DLGAP1: variants seen among roughly 807,000 people sequenced by gnomAD.
The protein encoded by DLGAP1 is disks large-associated protein 1.
Under a neutral mutation model 90.8 loss-of-function variants are expected in DLGAP1, and 11 were observed. That is an observed-to-expected ratio of 0.12 (90% confidence interval 0.08 to 0.20). DLGAP1 has a LOEUF of 0.20. Among genes scored for constraint, DLGAP1 ranks in the 10% least tolerant of loss-of-function variants. The probability of loss-of-function intolerance (pLI) is 1.00; values close to 1 mark genes in which losing one functional copy is unlikely to be tolerated. For missense variants in DLGAP1, 1,050 were observed against 1,333.8 expected, an observed-to-expected ratio of 0.79 and a Z score of 3.31; for synonymous variants, 558 against 540.7, an observed-to-expected ratio of 1.03 and a Z score of -0.44.
intron 9 of DLGAP1, among the ~76,000 whole-genome samples, chr18:3,559,745 C>A (rs909924693): frequency 6.6e-6 from 1 of 151,640 alleles, no homozygotes; most frequent in Non-Finnish European, 1.5e-5. Context: ...CCCTCAGCCT[C>A]CCGAGTAGCT....
intron 1 of DLGAP1, among the ~76,000 whole-genome samples, chr18:4,421,201 C>G (rs1164535711): frequency 1.3e-4 from 20 of 152,124 alleles, no homozygotes; most frequent in Non-Finnish European, 1.2e-4. Flanking sequence ...GAATCCTTTC[C>G]TTGCCTTTTC....
intron 8 of DLGAP1, among the ~76,000 whole-genome samples, chr18:3,574,883 T>C (rs11873506): frequency 0.39 from 57,668 of 148,168 alleles, 12,104 homozygotes; most frequent in East Asian, 0.82. Flanking sequence ...GGCACAATCT[T>C]GGCTCACTGC....
intron 5 of DLGAP1, among the ~76,000 whole-genome samples, chr18:3,763,695 C>G (rs905350892): frequency 1.3e-5 from 2 of 150,948 alleles, no homozygotes; most frequent in African/African-American, 4.9e-5. Context: ...CGGAGTTTCA[C>G]TCTTGTTGCC....
intron 2 of DLGAP1, among the ~76,000 whole-genome samples, chr18:4,034,334 G>T (rs566719727): frequency 6.6e-6 from 1 of 152,036 alleles, no homozygotes; most frequent in Non-Finnish European, 1.5e-5. Flanking sequence ...AAGCCACTGC[G>T]CCCGGCTGCA....
At chr18:4,344,496 A>C (rs1038203202) in intron 1 of DLGAP1, among the ~76,000 whole-genome samples, 1 of 152,230 alleles carries the variant, frequency 6.6e-6, no homozygotes, top group African/African-American at 2.4e-5. Context: ...AAAATTCAAC[A>C]TAGTAGAAGA....
At chr18:4,007,642 C>G (rs1015875184) in intron 2 of DLGAP1, among the ~76,000 whole-genome samples, 2 of 151,160 alleles carry the variant, frequency 1.3e-5, no homozygotes, top group African/African-American at 2.5e-5. Context: ...GGTGACAGAA[C>G]AAGGCTCCAT....
chr18:4,322,038 A>G (rs1300316401), intron 1 of DLGAP1, among the ~76,000 whole-genome samples: 3 of 151,996 alleles, frequency 2.0e-5, no homozygotes, highest in Admixed American at 6.6e-5. Context: ...TGTCTCTACT[A>G]AAAATACAAA....
Position 3,874,523 on chromosome 18 carries a change from T to C in DLGAP1, c.957+4589A>G. On this transcript the variant is annotated intron_variant, in intron 4 of 12. Coordinates refer to ENST00000315677, the MANE Select transcript of DLGAP1 (RefSeq NM_004746.4). ...AAACAGAACCAAGAATTCTGCTTTT[T>C]AAAAGCAAAAACAAAACAACAACAA... 1.0e-5 allele frequency: 15 copies of C among 1,452,586 alleles called. No homozygotes were observed. The South Asian group carries it at 2.2e-4, about 22-fold the overall frequency. The allele number at this position is 1,452,586 out of a possible 1,614,324, so 90.0% of individuals were successfully genotyped here. A position where few individuals can be genotyped will look rare whatever the true frequency, so the allele number is the denominator to read the frequency against.
chr18:4,283,866 T>A (rs1266633583), intron 1 of DLGAP1, among the ~76,000 whole-genome samples: 1 of 152,272 alleles, frequency 6.6e-6, no homozygotes, highest in South Asian at 2.1e-4. Flanking sequence ...ATATCCAAAC[T>A]GGCGAATGAA....
intron 2 of DLGAP1, among the ~76,000 whole-genome samples, chr18:4,024,550 T>C (rs886592112): frequency 6.6e-6 from 1 of 152,198 alleles, no homozygotes; most frequent in Non-Finnish European, 1.5e-5. Context: ...GTGACATGTC[T>C]GTTCGTGCTC....
intron 7 of DLGAP1, among the ~76,000 whole-genome samples, chr18:3,630,186 TG>T (rs1289402940): frequency 6.6e-6 from 1 of 152,148 alleles, no homozygotes; most frequent in Non-Finnish European, 1.5e-5. Context: ...CCAGTGTGGT[TG>T]GGCCTCATTC....
At chr18:4,434,500 T>C (rs534508445) in intron 1 of DLGAP1, among the ~76,000 whole-genome samples, 51 of 152,336 alleles carry the variant, frequency 3.3e-4, no homozygotes, top group African/African-American at 1.2e-3. Flanking sequence ...TCTTCCCCTG[T>C]GCTGCAAGGC....
At chr18:4,246,851 T>C (rs1051581858) in intron 1 of DLGAP1, among the ~76,000 whole-genome samples, 9 of 141,896 alleles carry the variant, frequency 6.3e-5, no homozygotes, top group African/African-American at 2.3e-4. Flanking sequence ...TCATTTTACC[T>C]TTATTTCTTC....
chr18:3,978,055 TG>T, intron 3 of DLGAP1: 1 of 376,976 alleles, frequency 2.7e-6, no homozygotes, highest in South Asian at 2.1e-5. Flanking sequence ...GCCAGTTTCT[TG>T]GAGGGGCCAT....
chr18:3,608,720 C>T lies in DLGAP1; in HGVS notation c.1592-26472G>A, dbSNP rs180949308. Among the ~76,000 whole-genome samples the T allele has an allele frequency of 2.0e-3, 309 of 152,316 alleles. 1 individual carries two copies. Among genetic ancestry groups the T allele is most frequent in the Non-Finnish European group, 3.8e-3 (259 of 68,032 alleles). ...TAAGATGCTCATTCCAGAGAGGTCTCGCTCTATACCCAGAGGCGAAGAAGG... is the reference window on the plus strand; with the variant it reads ...TAAGATGCTCATTCCAGAGAGGTCTTGCTCTATACCCAGAGGCGAAGAAGG... On this transcript the variant is annotated intron_variant, in intron 7 of 12. Coordinates refer to ENST00000315677, the MANE Select transcript of DLGAP1 (RefSeq NM_004746.4).
intron 7 of DLGAP1, among the ~76,000 whole-genome samples, chr18:3,673,776 C>T (rs2060185388): frequency 6.6e-6 from 1 of 151,470 alleles, no homozygotes; most frequent in Non-Finnish European, 1.5e-5. Flanking sequence ...AAACTCCTGA[C>T]CTCAGGTGAT....
intron 5 of DLGAP1, among the ~76,000 whole-genome samples, chr18:3,795,132 C>T (rs1236117747): frequency 6.6e-6 from 1 of 152,108 alleles, no homozygotes; most frequent in Non-Finnish European, 1.5e-5. Flanking sequence ...CTCATTCTAG[C>T]CAGGATCCAG....
chr18:3,808,662 T>C (rs888155164), intron 5 of DLGAP1, among the ~76,000 whole-genome samples: 1 of 151,908 alleles, frequency 6.6e-6, no homozygotes, highest in Non-Finnish European at 1.5e-5. Flanking sequence ...GGGGAAAAAA[T>C]AGCGATGCTC....
intron 1 of DLGAP1, among the ~76,000 whole-genome samples, chr18:4,165,418 T>C (rs754012968): frequency 2.6e-5 from 4 of 152,158 alleles, no homozygotes; most frequent in African/African-American, 9.7e-5. Flanking sequence ...GGCATTCTTA[T>C]GTAAAGGAAA....
Sources: allele counts gnomAD v4.1 joint callset (sites outside exome capture counted in the v4.1 genomes callset), GRCh38; gene constraint gnomAD v4.1.1; transcripts MANE v1.5; gene names NCBI Gene and HGNC (gene_info 2026-07-23, HGNC 2026-07-21).